CCSER1: variants seen among roughly 807,000 people sequenced by gnomAD.
The protein encoded by CCSER1 is serine-rich coiled-coil domain-containing protein 1.
In CCSER1, 41 loss-of-function variants were observed where a neutral mutation model predicts 82.0. The ratio of observed to expected loss-of-function variants is 0.50; its 90% CI spans 0.39 to 0.65. CCSER1 has a LOEUF of 0.65. CCSER1 is among the 30% of genes least tolerant of loss of function. The pLI is 0.00. For missense variants in CCSER1, 1,119 were observed against 1,064.2 expected (o/e 1.05, Z -0.72); for synonymous variants, 414 against 383.9 (o/e 1.08, Z -0.92).
intron 7 of CCSER1, among the ~76,000 whole-genome samples, chr4:90,725,644 T>G (rs1285396825): frequency 2.0e-5 from 3 of 151,636 alleles, no homozygotes; most frequent in Non-Finnish European, 4.4e-5. Context: ...TCTTTCATTT[T>G]TAGCTTATAA....
In CCSER1 at chr4:91,602,389, T is replaced by G. The variant is rs534240260; in HGVS notation, c.*3332T>G. Among the ~76,000 whole-genome samples, 2 of 152,122 alleles carry G rather than the reference T, an allele frequency of 1.3e-5. No individual in the cohort carries two copies. Among genetic ancestry groups the G allele is most frequent in the East Asian group, 3.9e-4 (2 of 5,176 alleles). The stretch of plus-strand genomic sequence containing the variant: ...CCAGAAAAAAGTTTTTAAAAATTAT[T>G]ATGATATATTTAAGATTCACATGCC... On this transcript the variant is annotated 3_prime_UTR_variant, in exon 11 of 11. Transcript: ENST00000509176.
chr4:90,906,207 G>A (rs1725447810), intron 8 of CCSER1, among the ~76,000 whole-genome samples: 1 of 151,952 alleles, frequency 6.6e-6, no homozygotes, highest in African/African-American at 2.4e-5. Context: ...ATACATATAC[G>A]GATTTGACTT....
rs952330599 is a variant in CCSER1, at chr4:91,526,883, G to A, written c.2218-71689G>A. ...GCTGAGATTATAGGCGTGGGCCACTGTGCCTGGCCCAGATCATATACTCTC... is the reference window on the plus strand; with the variant it reads ...GCTGAGATTATAGGCGTGGGCCACTATGCCTGGCCCAGATCATATACTCTC... On this transcript the variant is annotated intron_variant, in intron 10 of 10. Coordinates refer to ENST00000509176, the MANE Select transcript of CCSER1 (RefSeq NM_001145065.2). Among the ~76,000 whole-genome samples the A allele has an allele frequency of 3.0e-4, 45 of 152,114 alleles. 1 individual carries two copies. The highest frequency in any genetic ancestry group is 8.3e-4 in the South Asian group (4 of 4,822).
At chr4:91,263,744 C>T (rs2149169672) in intron 10 of CCSER1, among the ~76,000 whole-genome samples, 1 of 151,950 alleles carries the variant, frequency 6.6e-6, no homozygotes, top group Admixed American at 6.6e-5. Context: ...TATAGAGCAA[C>T]ATTTTATGGA....
chr4:91,313,610 G>A (rs776781320), intron 10 of CCSER1, among the ~76,000 whole-genome samples: 4 of 151,876 alleles, frequency 2.6e-5, no homozygotes, highest in Non-Finnish European at 5.9e-5. Flanking sequence ...CCATTAAAAC[G>A]TGGCAGTTGT....
chr4:90,966,553 G>A (rs377501878), intron 9 of CCSER1, among the ~76,000 whole-genome samples: 36 of 152,126 alleles, frequency 2.4e-4, no homozygotes, highest in East Asian at 1.7e-3. Context: ...AAAACTGCGC[G>A]AATTCATTGC....
intron 5 of CCSER1, among the ~76,000 whole-genome samples, chr4:90,578,139 T>G (rs2063411): frequency 0.41 from 62,611 of 152,006 alleles, 14,757 homozygotes; most frequent in African/African-American, 0.64. Flanking sequence ...TTGAGGATTT[T>G]TAAGAAGTAA....
intron 3 of CCSER1, among the ~76,000 whole-genome samples, chr4:90,327,637 G>C (rs1392620430): frequency 2.0e-5 from 3 of 152,030 alleles, no homozygotes; most frequent in East Asian, 1.9e-4. Context: ...TTATAATACA[G>C]GTTCTCAACA....
chr4:91,385,747 C>A (rs1486405354), intron 10 of CCSER1, among the ~76,000 whole-genome samples: 2 of 151,616 alleles, frequency 1.3e-5, no homozygotes, highest in Admixed American at 1.3e-4. Flanking sequence ...GAGTAGTTTT[C>A]TTATTTTAGT....
chr4:91,298,489 G>A (rs1744398491), intron 10 of CCSER1, among the ~76,000 whole-genome samples: 1 of 151,874 alleles, frequency 6.6e-6, no homozygotes, highest in African/African-American at 2.4e-5. Context: ...TTCATCCTTG[G>A]CAGAGTCTAA....
chr4:90,892,670 G>A (rs924063278), intron 8 of CCSER1, among the ~76,000 whole-genome samples: 6 of 151,696 alleles, frequency 4.0e-5, no homozygotes, highest in African/African-American at 1.5e-4. Flanking sequence ...TTTTCTTGTG[G>A]TGTTTAACAG....
In CCSER1 at chr4:90,398,697, A is replaced by G. The variant is rs907444950; in HGVS notation, c.1510-1339A>G. 2.0e-5 allele frequency among the ~76,000 whole-genome samples: 3 copies of G among 152,316 alleles called. No homozygotes were observed. The South Asian group carries it at 6.2e-4, about 32-fold the overall frequency. On this transcript the variant is annotated intron_variant, in intron 3 of 10. Coordinates refer to ENST00000509176, the MANE Select transcript of CCSER1 (RefSeq NM_001145065.2). ...CTTATTGGACTATCGCTGACACTGT[A>G]TGGAACAGAGCTTCCAATAAACAAG... is the stretch of plus-strand genomic sequence containing the variant.
intron 10 of CCSER1, among the ~76,000 whole-genome samples, chr4:91,278,044 T>A (rs1704703048): frequency 6.6e-6 from 1 of 152,112 alleles, no homozygotes; most frequent in Admixed American, 6.6e-5. Flanking sequence ...CCTGAGAGGA[T>A]ACTTGATATA....
chr4:91,564,361 A>G (rs1560766742), intron 10 of CCSER1, among the ~76,000 whole-genome samples: 1 of 151,856 alleles, frequency 6.6e-6, no homozygotes, highest in Non-Finnish European at 1.5e-5. Flanking sequence ...ACATACCCGT[A>G]CATGTGTCAT....
At chr4:90,618,359 A>G (rs1223431336) in intron 5 of CCSER1, among the ~76,000 whole-genome samples, 1 of 152,004 alleles carries the variant, frequency 6.6e-6, no homozygotes, top group Admixed American at 6.6e-5. Flanking sequence ...TAACACTTAT[A>G]GCTCTTAGAT....
At chr4:90,576,758 C>T (rs1178217524) in intron 5 of CCSER1, among the ~76,000 whole-genome samples, 4 of 152,130 alleles carry the variant, frequency 2.6e-5, no homozygotes, top group Non-Finnish European at 5.9e-5. Flanking sequence ...GTTGATTTAT[C>T]AATTCACCTA....
At chr4:91,362,854 A>T (rs530849009) in intron 10 of CCSER1, among the ~76,000 whole-genome samples, 3 of 151,806 alleles carry the variant, frequency 2.0e-5, no homozygotes, top group African/African-American at 7.2e-5. Context: ...TTGCTTTGCC[A>T]TGTTCTCCCT....
At chr4:90,858,544 G>A (rs1764714253) in intron 8 of CCSER1, among the ~76,000 whole-genome samples, 1 of 151,924 alleles carries the variant, frequency 6.6e-6, no homozygotes, top group Non-Finnish European at 1.5e-5. Flanking sequence ...TTGATTTGGA[G>A]ATAGTATTGC....
chr4:90,643,017 G>C (rs560342643), intron 6 of CCSER1, among the ~76,000 whole-genome samples: 1 of 151,066 alleles, frequency 6.6e-6, no homozygotes, highest in East Asian at 1.9e-4. Context: ...CATTTGTTTT[G>C]TTCTCTTTGA....
Sources: allele counts gnomAD v4.1 joint callset (sites outside exome capture counted in the v4.1 genomes callset), GRCh38; gene constraint gnomAD v4.1.1; transcripts MANE v1.5; gene names NCBI Gene and HGNC (gene_info 2026-07-23, HGNC 2026-07-21).